RANBP17: variants seen among roughly 807,000 people sequenced by gnomAD.
RANBP17 encodes RAN binding protein 17.
A neutral mutation model predicts 141.2 loss-of-function variants in RANBP17; 158 were observed. The observed-to-expected ratio is 1.12, with a 90% CI of 0.98 to 1.28. The LOEUF is 1.28. Ranked by LOEUF, RANBP17 falls within the 50% of genes most tolerant of loss-of-function variation. The pLI, the probability that RANBP17 is intolerant of heterozygous loss-of-function variation, is 0.00. For synonymous variants in RANBP17, 430 were observed against 450.0 expected, an observed-to-expected ratio of 0.96 and a Z score of 0.56; for missense variants, 1,438 against 1,290.7, an observed-to-expected ratio of 1.11 and a Z score of -1.75.
At chr5:170,990,015 A>G (rs1023313247) in intron 14 of RANBP17, among the ~76,000 whole-genome samples, 1 of 151,834 alleles carries the variant, frequency 6.6e-6, no homozygotes, top group Non-Finnish European at 1.5e-5. Context: ...CTTGTTATAT[A>G]CATTTGGGAA....
intron 13 of RANBP17, among the ~76,000 whole-genome samples, chr5:170,959,677 A>G (rs926511827): frequency 2.0e-5 from 3 of 152,234 alleles, no homozygotes; most frequent in African/African-American, 7.2e-5. Flanking sequence ...TAAACAGTCA[A>G]TTAAAACATA....
At chr5:171,027,534 G>A (rs767319521) in intron 14 of RANBP17, among the ~76,000 whole-genome samples, 3 of 151,860 alleles carry the variant, frequency 2.0e-5, no homozygotes, top group African/African-American at 7.2e-5. Context: ...GAAACTCATC[G>A]ATTTGTATAT....
At chr5:170,932,857 G>T (rs1157455068) in intron 12 of RANBP17, among the ~76,000 whole-genome samples, 1 of 152,056 alleles carries the variant, frequency 6.6e-6, no homozygotes, top group Non-Finnish European at 1.5e-5. Context: ...CAGGGATGTT[G>T]GTCTAAAATT....
rs79678016 is a variant in RANBP17, at chr5:170,906,310, C to T, written c.490-3351C>T. Among the ~76,000 whole-genome samples, 922 of 152,102 alleles carry T rather than the reference C, an allele frequency of 6.1e-3. 11 individuals are homozygous for T. The highest frequency in any genetic ancestry group is 0.024 in the Middle Eastern group (7 of 294). Reference sequence around the variant, plus strand: ...AAAATTTCTCAATCTTTTTCACTTTCATGGCCTTGACGTTTATGAAGATTA... The same window carrying T: ...AAAATTTCTCAATCTTTTTCACTTTTATGGCCTTGACGTTTATGAAGATTA... On this transcript the variant is annotated intron_variant, in intron 5 of 27. Coordinates refer to ENST00000523189, the MANE Select transcript of RANBP17 (RefSeq NM_022897.5).
At chr5:170,920,180 G>A (rs1581147278) in intron 11 of RANBP17, among the ~76,000 whole-genome samples, 1 of 152,106 alleles carries the variant, frequency 6.6e-6, no homozygotes, top group Non-Finnish European at 1.5e-5. Context: ...ATAGCTAGGT[G>A]TGGGATTCCT....
At chr5:171,061,458 G>A (rs1391789588) in intron 14 of RANBP17, among the ~76,000 whole-genome samples, 2 of 151,582 alleles carry the variant, frequency 1.3e-5, no homozygotes, top group African/African-American at 4.8e-5. Context: ...CAGTTTCCAT[G>A]TAGTTGAGCG....
intron 14 of RANBP17, among the ~76,000 whole-genome samples, chr5:171,082,762 C>T (rs931687915): frequency 6.6e-6 from 1 of 152,070 alleles, no homozygotes; most frequent in Non-Finnish European, 1.5e-5. Context: ...TCTTAAATAA[C>T]TTCTGCTTTG....
chr5:171,028,923 TTTC>T, intron 14 of RANBP17: 2 of 1,288,798 alleles, frequency 1.6e-6, no homozygotes, highest in South Asian at 2.5e-5. Context: ...CCAACTCGGG[TTTC>T]TTCTTCCTTG....
At chr5:171,213,368 T>C (rs1300867797) in intron 20 of RANBP17, among the ~76,000 whole-genome samples, 1 of 152,184 alleles carries the variant, frequency 6.6e-6, no homozygotes, top group African/African-American at 2.4e-5. Context: ...ATTTATACAG[T>C]ATTCTAAGAA....
Position 171,064,593 on chromosome 5 carries a change from C to G in RANBP17, c.1710+96216C>G, listed in dbSNP as rs190880728. Among the ~76,000 whole-genome samples the G allele has an allele frequency of 8.7e-4, 132 of 152,288 alleles. 1 individual carries two copies. The highest frequency in any genetic ancestry group is 1.5e-4 in the Non-Finnish European group (10 of 68,026). ...CTCACTGCAACCTTCTCCTTCCAGGCTCAAGTGATCCTCCCACTTTAGCCT... is the reference window on the plus strand; with the variant it reads ...CTCACTGCAACCTTCTCCTTCCAGGGTCAAGTGATCCTCCCACTTTAGCCT... On this transcript the variant is annotated intron_variant, in intron 14 of 27. Transcript: ENST00000523189.
At chr5:171,222,942 T>A (rs1212722365) in intron 22 of RANBP17, among the ~76,000 whole-genome samples, 1 of 152,204 alleles carries the variant, frequency 6.6e-6, no homozygotes, top group African/African-American at 2.4e-5. Context: ...ATTCTAATAT[T>A]TGGGTACCCA....
chr5:171,258,990 A>G (rs1210345189), intron 24 of RANBP17, among the ~76,000 whole-genome samples: 1 of 152,222 alleles, frequency 6.6e-6, no homozygotes, highest in Admixed American at 6.5e-5. Flanking sequence ...CAGGAGACCA[A>G]TATCCAGAAT....
chr5:170,992,657 A>G (rs1778580620), intron 14 of RANBP17, among the ~76,000 whole-genome samples: 1 of 152,086 alleles, frequency 6.6e-6, no homozygotes, highest in Non-Finnish European at 1.5e-5. Context: ...AGAAAATTAA[A>G]GTGGTGATTC....
Position 171,081,438 on chromosome 5 carries a change from T to G in RANBP17, c.1711-88692T>G, listed in dbSNP as rs572304899. ...ATAGTAGTTAGCAGTGTATTCACAA[T>G]CAGCTGCACTCTAATGCCAAGTGTT... is the stretch of plus-strand genomic sequence containing the variant. On this transcript the variant is annotated intron_variant, in intron 14 of 27. Transcript: ENST00000523189. Among the ~76,000 whole-genome samples the G allele has an allele frequency of 7.2e-5, 11 of 152,290 alleles. No individual in the cohort carries two copies. The South Asian group carries it at 2.3e-3, about 32-fold the overall frequency.
intron 14 of RANBP17, among the ~76,000 whole-genome samples, chr5:171,064,598 G>A (rs550420968): frequency 3.0e-4 from 45 of 152,286 alleles, no homozygotes; most frequent in Non-Finnish European, 5.9e-4. Context: ...CCAGGCTCAA[G>A]TGATCCTCCC....
At chr5:171,032,017 A>C (rs750480557) in intron 14 of RANBP17, among the ~76,000 whole-genome samples, 5 of 152,126 alleles carry the variant, frequency 3.3e-5, no homozygotes, top group Non-Finnish European at 5.9e-5. Flanking sequence ...ATATTCTTAG[A>C]ATATGTCACT....
At chr5:171,212,761 A>C (rs77255224) in intron 20 of RANBP17, among the ~76,000 whole-genome samples, 1 of 152,168 alleles carries the variant, frequency 6.6e-6, no homozygotes, top group African/African-American at 2.4e-5. Context: ...GGGAAAAGAA[A>C]AGAGAAATTA....
intron 13 of RANBP17, among the ~76,000 whole-genome samples, chr5:170,966,277 T>C (rs1199190328): frequency 2.6e-5 from 4 of 152,058 alleles, no homozygotes; most frequent in Non-Finnish European, 4.4e-5. Context: ...TGATGAACAT[T>C]GATGCAAAAA....
rs572343812 is a variant in RANBP17 at position 170,863,330 on chromosome 5, T to C, written c.18+1279T>C. Among the ~76,000 whole-genome samples, 3 of 152,316 alleles carry C rather than the reference T, an allele frequency of 2.0e-5. No individual in the cohort carries two copies. The South Asian group carries it at 6.2e-4, about 32-fold the overall frequency. On this transcript the variant is annotated intron_variant, in intron 1 of 27. Coordinates refer to ENST00000523189, the MANE Select transcript of RANBP17 (RefSeq NM_022897.5). ...AGGGAGGGAAGGGAATTTCATAATA[T>C]GGTGACAGTGTATCTAAGAATCTCA...
Sources: gnomAD v4.1 joint callset for allele counts (sites outside exome capture counted in the v4.1 genomes callset) on GRCh38, gnomAD v4.1.1 for gene constraint, MANE v1.5 for transcripts, NCBI Gene and HGNC (gene_info 2026-07-23, HGNC 2026-07-21) for gene names.